The following SPAG16 variants were observed in gnomAD, a reference collection of about 807,000 sequenced individuals.
SPAG16 encodes the protein sperm associated antigen 16.
SPAG16 carries 86 observed loss-of-function variants against 80.4 expected under a neutral mutation model. The observed-to-expected ratio is 1.07, with a 90% CI of 0.90 to 1.28. The LOEUF (loss-of-function observed/expected upper bound fraction) is 1.28, where lower values mean the gene tolerates loss of function less well. SPAG16 is among the 50% of genes most tolerant of loss of function. The pLI is 0.00. For missense variants in SPAG16, 870 were observed against 765.3 expected (o/e 1.14, Z -1.61); for synonymous variants, 294 against 265.9 (o/e 1.11, Z -1.03).
chr2:213,653,536 G>A (rs2125153910), intron 10 of SPAG16, among the ~76,000 whole-genome samples: 1 of 152,232 alleles, frequency 6.6e-6, no homozygotes, highest in Admixed American at 6.5e-5. Context: ...GTTTATACAG[G>A]TCAATGCCTT....
chr2:214,074,933 A>G (rs894143138), intron 13 of SPAG16, among the ~76,000 whole-genome samples: 2 of 152,174 alleles, frequency 1.3e-5, no homozygotes, highest in African/African-American at 4.8e-5. Context: ...TAATAATAGC[A>G]TTATTTTCAA....
chr2:214,150,931 C>T (rs1222360753), intron 15 of SPAG16, among the ~76,000 whole-genome samples: 1 of 151,952 alleles, frequency 6.6e-6, no homozygotes, highest in Non-Finnish European at 1.5e-5. Flanking sequence ...CTCTCCATGA[C>T]TGATATATAC....
intron 10 of SPAG16, among the ~76,000 whole-genome samples, chr2:213,556,614 G>T (rs1207334777): frequency 6.6e-6 from 1 of 152,080 alleles, no homozygotes; most frequent in African/African-American, 2.4e-5. Flanking sequence ...AATAGATCTG[G>T]AGAGAAAGAG....
intron 11 of SPAG16, among the ~76,000 whole-genome samples, chr2:213,877,615 A>G (rs1271624387): frequency 6.6e-6 from 1 of 152,170 alleles, no homozygotes; most frequent in Non-Finnish European, 1.5e-5. Flanking sequence ...ACTCCCATCC[A>G]CATAAGGCAT....
chr2:213,849,199 G>A (rs894850970), intron 10 of SPAG16, among the ~76,000 whole-genome samples: 5 of 152,066 alleles, frequency 3.3e-5, no homozygotes, highest in South Asian at 4.1e-4. Flanking sequence ...GAGATGAAAC[G>A]AGAAAGAGTG....
At chr2:213,334,336 A>G (rs929919285) in intron 5 of SPAG16, among the ~76,000 whole-genome samples, 4 of 152,318 alleles carry the variant, frequency 2.6e-5, no homozygotes, top group Admixed American at 2.6e-4. Context: ...AGAAAAGGGA[A>G]CCCTTGTACG....
At chr2:213,855,462 C>T (rs1445886826) in intron 10 of SPAG16, among the ~76,000 whole-genome samples, 1 of 152,222 alleles carries the variant, frequency 6.6e-6, no homozygotes, top group Admixed American at 6.5e-5. Context: ...GTAAACGTAA[C>T]TCATAGGAGA....
intron 10 of SPAG16, among the ~76,000 whole-genome samples, chr2:213,566,095 C>G (rs1440150646): frequency 1.3e-5 from 2 of 151,924 alleles, no homozygotes; most frequent in Non-Finnish European, 2.9e-5. Flanking sequence ...CTGAACAGTT[C>G]AAAAATTGAT....
In SPAG16 at chr2:213,945,386, G is replaced by T. The variant is rs1305580023; in HGVS notation, c.1400+15241G>T. ...AAATATTAACTTACACAATCACAAG[G>T]TCCCACAACAGACTGTCTGCAAGCT... On this transcript the variant is annotated intron_variant, in intron 12 of 15. Transcript: ENST00000331683. 3.3e-5 allele frequency among the ~76,000 whole-genome samples: 5 copies of T among 151,116 alleles called. No homozygotes were observed. In the East Asian group the frequency reaches 7.9e-4, roughly 24 times the overall value.
At chr2:213,964,241 C>T (rs1033365568) in intron 12 of SPAG16, among the ~76,000 whole-genome samples, 2 of 151,878 alleles carry the variant, frequency 1.3e-5, no homozygotes, top group African/African-American at 4.8e-5. Flanking sequence ...TATATAGTTG[C>T]TTTCTATGTC....
chr2:213,544,832 G>A (rs565841635), intron 10 of SPAG16, among the ~76,000 whole-genome samples: 85 of 152,046 alleles, frequency 5.6e-4, no homozygotes, highest in African/African-American at 1.9e-3. Flanking sequence ...AGTTTTCTCC[G>A]TTTCTTTTTG....
chr2:214,039,986 A>C (rs771084885), intron 13 of SPAG16, among the ~76,000 whole-genome samples: 70 of 152,182 alleles, frequency 4.6e-4, no homozygotes, highest in Non-Finnish European at 8.8e-4. Flanking sequence ...GTCCTTCTGC[A>C]CACTCAGTCA....
chr2:213,961,309 C>A (rs946029407), intron 12 of SPAG16, among the ~76,000 whole-genome samples: 1 of 152,004 alleles, frequency 6.6e-6, no homozygotes, highest in Non-Finnish European at 1.5e-5. Context: ...TATGTATATT[C>A]GAGTTTTCTA....
At chr2:214,345,460 T>C (rs1576836425) in intron 15 of SPAG16, among the ~76,000 whole-genome samples, 1 of 152,278 alleles carries the variant, frequency 6.6e-6, no homozygotes, top group East Asian at 1.9e-4. Flanking sequence ...TTTTTTAATT[T>C]CTTGCCTAAA....
intron 15 of SPAG16, among the ~76,000 whole-genome samples, chr2:214,209,389 A>C (rs146764849): frequency 1.3e-5 from 2 of 152,338 alleles, no homozygotes; most frequent in African/African-American, 4.8e-5. Flanking sequence ...ATAAAATAAC[A>C]GTAAACAAAG....
intron 15 of SPAG16, among the ~76,000 whole-genome samples, chr2:214,248,636 G>T (rs1324992238): frequency 6.6e-6 from 1 of 151,922 alleles, no homozygotes; most frequent in Non-Finnish European, 1.5e-5. Flanking sequence ...ACTATTCTAA[G>T]CACTTGATTT....
At chr2:214,035,274 A>G (rs2048632953) in intron 13 of SPAG16, among the ~76,000 whole-genome samples, 1 of 152,144 alleles carries the variant, frequency 6.6e-6, no homozygotes, top group African/African-American at 2.4e-5. Flanking sequence ...ACTCGCGTCC[A>G]TGGGCCCAGC....
At chr2:214,304,984 C>T (rs1694814021) in intron 15 of SPAG16, among the ~76,000 whole-genome samples, 1 of 152,214 alleles carries the variant, frequency 6.6e-6, no homozygotes, top group Admixed American at 6.5e-5. Flanking sequence ...CTGTTTTACA[C>T]TCCCATCCAC....
chr2:213,380,089 G>C (rs1030125116), intron 9 of SPAG16, among the ~76,000 whole-genome samples: 1 of 152,078 alleles, frequency 6.6e-6, no homozygotes, highest in Non-Finnish European at 1.5e-5. Context: ...TTTTCCAATC[G>C]TGCTTCTTTT....
Sources: allele counts gnomAD v4.1 joint callset (sites outside exome capture counted in the v4.1 genomes callset), GRCh38; gene constraint gnomAD v4.1.1; transcripts MANE v1.5; gene names NCBI Gene and HGNC (gene_info 2026-07-23, HGNC 2026-07-21).